THSD7B: variants seen among roughly 807,000 people sequenced by gnomAD.
The protein encoded by THSD7B is thrombospondin type-1 domain-containing protein 7B.
In THSD7B, 138 loss-of-function variants were observed where a neutral mutation model predicts 213.6. The observed-to-expected ratio is 0.65, with a 90% CI of 0.56 to 0.74. THSD7B has a LOEUF of 0.74. THSD7B is among the 30% of genes least tolerant of loss of function. THSD7B has a pLI of 0.00. For synonymous variants in THSD7B, 742 were observed against 687.0 expected, an observed-to-expected ratio of 1.08 and a Z score of -1.25; for missense variants, 1,931 against 1,991.5, an observed-to-expected ratio of 0.97 and a Z score of 0.58.
At chr2:137,358,806 C>T (rs557949382) in intron 12 of THSD7B, among the ~76,000 whole-genome samples, 1 of 152,252 alleles carries the variant, frequency 6.6e-6, no homozygotes, top group Admixed American at 6.5e-5. Context: ...TATTCAATGG[C>T]TATTTCACCA....
chr2:137,449,969 A>T (rs896660710), intron 14 of THSD7B, among the ~76,000 whole-genome samples: 1 of 152,100 alleles, frequency 6.6e-6, no homozygotes, highest in Non-Finnish European at 1.5e-5. Context: ...CATGTACAAC[A>T]GGATACAGGA....
rs186014253 is a variant in THSD7B, at chr2:136,932,570, C to A, written c.139+50253C>A. On this transcript the variant is annotated intron_variant, in intron 2 of 27. Coordinates refer to ENST00000409968, the MANE Select transcript of THSD7B (RefSeq NM_001316349.2). Reference sequence around the variant, plus strand: ...TTATATTTTATATACCATATTCTTACAATTAAGTAAGCTAGAGAAAAGAAA... The same window carrying A: ...TTATATTTTATATACCATATTCTTAAAATTAAGTAAGCTAGAGAAAAGAAA... Among the ~76,000 whole-genome samples, 3 of 152,190 alleles carry A rather than the reference C, an allele frequency of 2.0e-5. No homozygotes were observed. The East Asian group carries it at 5.8e-4, about 29-fold the overall frequency.
At chr2:136,943,172 TG>T (rs1239673081) in intron 2 of THSD7B, among the ~76,000 whole-genome samples, 4 of 152,224 alleles carry the variant, frequency 2.6e-5, no homozygotes, top group Non-Finnish European at 4.4e-5. Flanking sequence ...GTTTATGTGA[TG>T]GATTACATTT....
At chr2:137,044,136 A>G (rs1359562433) in intron 2 of THSD7B, among the ~76,000 whole-genome samples, 1 of 152,180 alleles carries the variant, frequency 6.6e-6, no homozygotes, top group Non-Finnish European at 1.5e-5. Flanking sequence ...AGTGGTCCAC[A>G]TTAACAGCCT....
intron 15 of THSD7B, among the ~76,000 whole-genome samples, chr2:137,479,993 G>A (rs913869256): frequency 3.9e-5 from 6 of 152,166 alleles, no homozygotes; most frequent in African/African-American, 1.4e-4. Context: ...GTGGGAATGT[G>A]GACTTCTTGG....
intron 27 of THSD7B, among the ~76,000 whole-genome samples, chr2:137,670,892 G>A (rs933993787): frequency 1.8e-4 from 24 of 133,490 alleles, no homozygotes; most frequent in African/African-American, 1.7e-4. Context: ...CTGCACTGCA[G>A]CGTGGGCGAC....
At chr2:137,556,274 G>T (rs913556807) in intron 15 of THSD7B, among the ~76,000 whole-genome samples, 1 of 152,174 alleles carries the variant, frequency 6.6e-6, no homozygotes, top group Admixed American at 6.5e-5. Flanking sequence ...AGCAAAAAAT[G>T]TTAAGGGCAG....
chr2:137,132,630 C>G (rs1688759092), intron 5 of THSD7B, among the ~76,000 whole-genome samples: 1 of 152,058 alleles, frequency 6.6e-6, no homozygotes, highest in African/African-American at 2.4e-5. Flanking sequence ...TTCTTGTTAT[C>G]TTTACTAACT....
At chr2:137,031,121 A>G (rs1409950861) in intron 2 of THSD7B, among the ~76,000 whole-genome samples, 1 of 152,176 alleles carries the variant, frequency 6.6e-6, no homozygotes, top group Admixed American at 6.5e-5. Flanking sequence ...AGGTGGGTGG[A>G]TCACTTAAGA....
chr2:137,648,187 T>C (rs1683073240), intron 21 of THSD7B, among the ~76,000 whole-genome samples: 1 of 152,206 alleles, frequency 6.6e-6, no homozygotes, highest in Non-Finnish European at 1.5e-5. Context: ...GTCAGTGTAA[T>C]TGGGATATCC....
intron 12 of THSD7B, among the ~76,000 whole-genome samples, chr2:137,365,476 T>G (rs1685386108): frequency 6.6e-6 from 1 of 152,066 alleles, no homozygotes; most frequent in Non-Finnish European, 1.5e-5. Flanking sequence ...GGGAGAAAAT[T>G]TTCACAATCT....
intron 12 of THSD7B, among the ~76,000 whole-genome samples, chr2:137,378,756 T>C (rs1685715043): frequency 6.6e-6 from 1 of 152,140 alleles, no homozygotes; most frequent in Non-Finnish European, 1.5e-5. Flanking sequence ...AACCACTCCC[T>C]AAGCCAGAGC....
intron 7 of THSD7B, among the ~76,000 whole-genome samples, chr2:137,177,747 C>T (rs1680385123): frequency 6.6e-6 from 1 of 152,128 alleles, no homozygotes; most frequent in South Asian, 2.1e-4. Context: ...GCATGTCTTA[C>T]AAGGCATGTC....
At chr2:137,191,425 TG>T (rs1356294995) in intron 7 of THSD7B, among the ~76,000 whole-genome samples, 2 of 152,160 alleles carry the variant, frequency 1.3e-5, no homozygotes, top group Non-Finnish European at 2.9e-5. Context: ...GAACAAAGTA[TG>T]GGGCTTAAGC....
chr2:136,911,773 C>T (rs920946530), intron 2 of THSD7B, among the ~76,000 whole-genome samples: 40 of 152,178 alleles, frequency 2.6e-4, no homozygotes, highest in Non-Finnish European at 8.8e-5. Context: ...TGCCATGCTA[C>T]TACTACTACA....
At chr2:137,542,620 C>T (rs1680630096) in intron 15 of THSD7B, among the ~76,000 whole-genome samples, 1 of 151,624 alleles carries the variant, frequency 6.6e-6, no homozygotes, top group African/African-American at 2.4e-5. Flanking sequence ...GGAGCATTCT[C>T]CAGGGTATAC....
intron 12 of THSD7B, among the ~76,000 whole-genome samples, chr2:137,399,003 A>G (rs1686281495): frequency 6.6e-6 from 1 of 152,096 alleles, no homozygotes; most frequent in Non-Finnish European, 1.5e-5. Context: ...AAGTGAGGCA[A>G]TGCCTCGCCC....
chr2:136,997,978 C>T (rs1016432511), intron 2 of THSD7B, among the ~76,000 whole-genome samples: 1 of 151,984 alleles, frequency 6.6e-6, no homozygotes, highest in African/African-American at 2.4e-5. Context: ...GGTAACCTGG[C>T]CTAGACTAAG....
At chr2:137,381,140 T>C (rs547647793) in intron 12 of THSD7B, among the ~76,000 whole-genome samples, 1 of 152,224 alleles carries the variant, frequency 6.6e-6, no homozygotes, top group African/African-American at 2.4e-5. Context: ...TCCCCACCGA[T>C]TCTGGGTCAG....
Sources: allele counts gnomAD v4.1 joint callset (sites outside exome capture counted in the v4.1 genomes callset), GRCh38; gene constraint gnomAD v4.1.1; transcripts MANE v1.5; gene names NCBI Gene and HGNC (gene_info 2026-07-23, HGNC 2026-07-21).